The following SENP7 variants were observed in gnomAD, a reference collection of about 807,000 sequenced individuals.
The protein encoded by SENP7 is SUMO specific peptidase 7.
A neutral mutation model predicts 141.2 loss-of-function variants in SENP7; 64 were observed. That is an observed-to-expected ratio of 0.45 (90% CI 0.37 to 0.56). The LOEUF is 0.56. SENP7 is among the 20% of genes least tolerant of loss of function. The pLI is 0.00. For missense variants in SENP7, 1,025 were observed against 1,212.2 expected (o/e 0.85, Z 2.29); for synonymous variants, 382 against 426.4 (o/e 0.90, Z 1.28).
At chr3:101,404,032 C>G in intron 5 of SENP7, among the ~76,000 whole-genome samples, 1 of 152,128 alleles carries the variant, frequency 6.6e-6, no homozygotes, top group East Asian at 1.9e-4. Flanking sequence ...TCCTATCATA[C>G]TACCAACAAC....
intron 3 of SENP7, among the ~76,000 whole-genome samples, chr3:101,467,168 C>G (rs983313951): frequency 6.6e-6 from 1 of 152,240 alleles, no homozygotes; most frequent in African/African-American, 2.4e-5. Flanking sequence ...AGTAGGTAAA[C>G]AAAGTGGCCG....
intron 4 of SENP7, among the ~76,000 whole-genome samples, chr3:101,420,092 G>T (rs2061741974): frequency 6.6e-6 from 1 of 152,250 alleles, no homozygotes; most frequent in African/African-American, 2.4e-5. Context: ...AGGAGGCCAG[G>T]CGCTGTGGCT....
chr3:101,393,755 T>A (rs2060882195), intron 6 of SENP7, among the ~76,000 whole-genome samples: 1 of 152,198 alleles, frequency 6.6e-6, no homozygotes, highest in African/African-American at 2.4e-5. Context: ...TCTGGCAGCT[T>A]CTAGTGAGGG....
At chr3:101,411,579 T>C (rs2107631658) in intron 5 of SENP7, among the ~76,000 whole-genome samples, 1 of 152,288 alleles carries the variant, frequency 6.6e-6, no homozygotes, top group East Asian at 1.9e-4. Context: ...AAATTAACAA[T>C]ACCTAGCTGT....
Position 101,438,839 on chromosome 3 carries a change from G to A in SENP7, c.284+20116C>T, listed in dbSNP as rs1010813267. On this transcript the variant is annotated intron_variant, in intron 4 of 23. Coordinates refer to ENST00000394095, the MANE Select transcript of SENP7 (RefSeq NM_020654.5). ...CTTTGCCGCCGCGCCGGCGAGCGCCGCCCGGGAGGCAGCGGCTGGAGGAGC... is the reference window on the plus strand; with the variant it reads ...CTTTGCCGCCGCGCCGGCGAGCGCCACCCGGGAGGCAGCGGCTGGAGGAGC... 1.1e-4 allele frequency among the ~76,000 whole-genome samples: 16 copies of A among 152,112 alleles called. No individual in the cohort carries two copies. The East Asian group carries it at 1.4e-3, about 13-fold the overall frequency.
At chr3:101,337,838 T>G (rs75184008) in intron 16 of SENP7, among the ~76,000 whole-genome samples, 2,083 of 152,272 alleles carry the variant, frequency 0.014, 48 homozygotes, top group African/African-American at 0.047. Flanking sequence ...ATTCATTCAT[T>G]TACTTAACAA....
Position 101,347,854 on chromosome 3 carries a change from A to C in SENP7, c.1837+18T>G. 3.1e-6 allele frequency: 4 copies of C among 1,281,046 alleles called. No homozygotes were observed. Among genetic ancestry groups the C allele is most frequent in the Non-Finnish European group, 4.1e-6 (4 of 964,346 alleles). The allele number at this position is 1,281,046 out of a possible 1,614,324, so 79.4% of individuals were successfully genotyped here. A position where few individuals can be genotyped will look rare whatever the true frequency, so the allele number is the denominator to read the frequency against. On this transcript the variant is annotated intron_variant, in intron 13 of 23. Coordinates refer to ENST00000394095, the MANE Select transcript of SENP7 (RefSeq NM_020654.5). ...AATTTCAAGTTATCCTGAAATTTAG[A>C]AATCATTTTATACTCACATTGCTGG...
intron 23 of SENP7, among the ~76,000 whole-genome samples, chr3:101,326,758 T>C (rs2107174450): frequency 6.6e-6 from 1 of 152,306 alleles, no homozygotes; most frequent in South Asian, 2.1e-4. Flanking sequence ...GAAAATTTTA[T>C]TTAAAATACT....
Position 101,513,200 on chromosome 3 carries a change from G to A in SENP7, c.-70C>T, listed in dbSNP as rs1476887393. 1.1e-5 allele frequency: 10 copies of A among 877,670 alleles called. No individual in the cohort carries two copies. The highest frequency in any genetic ancestry group is 1.8e-5 in the African/African-American group (1 of 55,308). 54.4% of individuals were successfully genotyped at this position (877,670 alleles called of 1,614,324 possible). A position where few individuals can be genotyped will look rare whatever the true frequency, so the allele number is the denominator to read the frequency against. ...GGACCCCTCCGGCTTGGAGAGGGAG[G>A]GGGAGGGGAAAGGAAAAAAAAAAAA... On this transcript the variant is annotated 5_prime_UTR_variant, in exon 1 of 24. Coordinates refer to ENST00000394095, the MANE Select transcript of SENP7 (RefSeq NM_020654.5).
At chr3:101,376,625 G>T (rs996779828) in intron 6 of SENP7, among the ~76,000 whole-genome samples, 5 of 151,900 alleles carry the variant, frequency 3.3e-5, no homozygotes. Context: ...CACACTCTGG[G>T]GACTGTTGTG....
At chr3:101,488,878 G>A (rs999912489) in intron 3 of SENP7, among the ~76,000 whole-genome samples, 4 of 152,092 alleles carry the variant, frequency 2.6e-5, no homozygotes, top group East Asian at 1.9e-4. Flanking sequence ...CAAAGTCAAC[G>A]CAAAAGAAAA....
chr3:101,366,615 A>G lies in SENP7; in HGVS notation c.1133T>C (p.Leu378Ser). The change falls in exon 9 of 24, where the codon TTG becomes TCG. Residue 378 changes from leucine to serine, a missense_variant. Transcript: ENST00000394095. Reference protein sequence around the residue: ...LSSLNSQELTLSNATKSASAG... With the variant: ...LSSLNSQELTSSNATKSASAG... ...AGAGGCACTTTTGGTGGCATTACTCAAAGTCAACTCCTGACTGTTAAGTGA... is the reference window on the plus strand; with the variant it reads ...AGAGGCACTTTTGGTGGCATTACTCGAAGTCAACTCCTGACTGTTAAGTGA... 1.2e-6 allele frequency: 2 copies of G among 1,614,036 alleles called. No individual in the cohort carries two copies. The highest frequency in any genetic ancestry group is 1.7e-6 in the Non-Finnish European group (2 of 1,179,922).
At chr3:101,341,487 TAA>T (rs2059324970) in intron 15 of SENP7, among the ~76,000 whole-genome samples, 157 bp downstream of exon 15, 1 of 152,236 alleles carries the variant, frequency 6.6e-6, no homozygotes, top group Non-Finnish European at 1.5e-5. Context: ...ATAAATTTTT[TAA>T]CTTCCTCATA....
At chr3:101,488,980 A>T (rs954790344) in intron 3 of SENP7, among the ~76,000 whole-genome samples, 1 of 152,204 alleles carries the variant, frequency 6.6e-6, no homozygotes, top group Non-Finnish European at 1.5e-5. Flanking sequence ...AAACCTTGCA[A>T]ACCAGAAGAG....
At chr3:101,411,215 G>C (rs939591860) in intron 5 of SENP7, among the ~76,000 whole-genome samples, 1 of 152,146 alleles carries the variant, frequency 6.6e-6, no homozygotes, top group African/African-American at 2.4e-5. Flanking sequence ...CTGGCACATA[G>C]TAAATACACA....
intron 6 of SENP7, among the ~76,000 whole-genome samples, chr3:101,383,478 A>G (rs373464026): frequency 1.2e-4 from 19 of 152,162 alleles, no homozygotes; most frequent in African/African-American, 4.6e-4. Flanking sequence ...CCACATAGCC[A>G]CAGCTGCAAA....
intron 1 of SENP7, among the ~76,000 whole-genome samples, chr3:101,503,128 T>C (rs1364226891): frequency 6.6e-6 from 1 of 152,126 alleles, no homozygotes; most frequent in Non-Finnish European, 1.5e-5. Flanking sequence ...AAAAAAAGAA[T>C]ATCCAAATGG....
intron 6 of SENP7, among the ~76,000 whole-genome samples, chr3:101,376,979 A>T (rs1203074187): frequency 6.6e-6 from 1 of 152,188 alleles, no homozygotes; most frequent in African/African-American, 2.4e-5. Flanking sequence ...TTTTTTAAAC[A>T]ACCATCAGAA....
intron 6 of SENP7, 133 bp downstream of exon 6, chr3:101,398,728 G>T: frequency 1.5e-6 from 1 of 646,000 alleles, no homozygotes; most frequent in Non-Finnish European, 2.4e-6. Context: ...CCAGCCACCC[G>T]GGGAGAAAAA....
Sources: allele counts gnomAD v4.1 joint callset (sites outside exome capture counted in the v4.1 genomes callset), GRCh38; gene constraint gnomAD v4.1.1; transcripts MANE v1.5; gene names NCBI Gene and HGNC (gene_info 2026-07-23, HGNC 2026-07-21).